The following CADM2 variants were observed in gnomAD, a reference collection of about 807,000 sequenced individuals.
The protein encoded by CADM2 is cell adhesion molecule 2, also known as immunoglobulin superfamily member 4D.
In CADM2, 12 loss-of-function variants were observed where a neutral mutation model predicts 49.8. The observed-to-expected ratio is 0.24, with a 90% CI of 0.15 to 0.39. CADM2 has a LOEUF of 0.39. CADM2 is among the 10% of genes least tolerant of loss of function. The pLI is 1.00. For synonymous variants in CADM2, 214 were observed against 175.4 expected (o/e 1.22, Z -1.74); for missense variants, 378 against 492.3 (o/e 0.77, Z 2.20).
chr3:86,009,203 A>G (rs1439618582), intron 8 of CADM2, among the ~76,000 whole-genome samples: 1 of 85,050 alleles, frequency 1.2e-5, no homozygotes, highest in Admixed American at 1.3e-4. Flanking sequence ...ATGAATATAT[A>G]TGTGTATGTG....
chr3:85,266,018 T>G (rs2043114570), intron 1 of CADM2, among the ~76,000 whole-genome samples: 1 of 151,904 alleles, frequency 6.6e-6, no homozygotes, highest in African/African-American at 2.4e-5. Flanking sequence ...TAACTTGTTT[T>G]CTATGCCCTT....
intron 1 of CADM2, among the ~76,000 whole-genome samples, chr3:85,338,794 G>A (rs2045161348): frequency 6.6e-6 from 1 of 151,320 alleles, no homozygotes; most frequent in Non-Finnish European, 1.5e-5. Flanking sequence ...CCAAATTTTG[G>A]CTCTAGATTA....
chr3:85,238,304 A>C (rs1209541864), intron 1 of CADM2, among the ~76,000 whole-genome samples: 2 of 152,012 alleles, frequency 1.3e-5, no homozygotes. Context: ...TTAAACTAAT[A>C]ATTTCTGTAG....
intron 1 of CADM2, among the ~76,000 whole-genome samples, chr3:85,352,253 A>C (rs1222216843): frequency 6.6e-6 from 1 of 152,134 alleles, no homozygotes; most frequent in African/African-American, 2.4e-5. Flanking sequence ...TTGTGTTGTC[A>C]TCTTTTGTAT....
chr3:85,043,550 G>C (rs552562235), intron 1 of CADM2, among the ~76,000 whole-genome samples: 1 of 151,946 alleles, frequency 6.6e-6, no homozygotes, highest in Admixed American at 6.6e-5. Context: ...GAAAACTAGG[G>C]ATGGTATACT....
intron 1 of CADM2, among the ~76,000 whole-genome samples, chr3:85,259,761 G>A (rs9821283): frequency 6.6e-6 from 1 of 151,942 alleles, no homozygotes; most frequent in East Asian, 1.9e-4. Flanking sequence ...TGTTTCTTTG[G>A]CTTGAATGAT....
intron 8 of CADM2, among the ~76,000 whole-genome samples, chr3:86,036,340 T>A (rs942099522): frequency 2.0e-5 from 3 of 152,114 alleles, no homozygotes; most frequent in African/African-American, 4.8e-5. Flanking sequence ...ATTTAATAAC[T>A]TTTGCAGGAA....
At chr3:85,789,451 A>G (rs187190803) in intron 2 of CADM2, among the ~76,000 whole-genome samples, 210 of 152,294 alleles carry the variant, frequency 1.4e-3, no homozygotes, top group South Asian at 3.1e-3. Flanking sequence ...CACAGAAATC[A>G]TTTTAAAACC....
At chr3:85,219,580 A>T (rs2042002249) in intron 1 of CADM2, among the ~76,000 whole-genome samples, 1 of 152,184 alleles carries the variant, frequency 6.6e-6, no homozygotes, top group African/African-American at 2.4e-5. Flanking sequence ...AATATGCCTT[A>T]AAAGCAACTA....
chr3:85,906,699 T>C (rs1716851772), intron 5 of CADM2, among the ~76,000 whole-genome samples: 1 of 152,200 alleles, frequency 6.6e-6, no homozygotes, highest in Admixed American at 6.5e-5. Flanking sequence ...GTTTGAATTC[T>C]TTTTCAGTGC....
intron 2 of CADM2, among the ~76,000 whole-genome samples, chr3:85,742,542 T>C (rs13076225): frequency 2.0e-4 from 31 of 152,234 alleles, no homozygotes; most frequent in Non-Finnish European, 4.1e-4. Context: ...AAATGAGGTA[T>C]AAATTGCTGT....
chr3:86,033,667 A>C (rs1034102748), intron 8 of CADM2, among the ~76,000 whole-genome samples: 1 of 125,504 alleles, frequency 8.0e-6, no homozygotes, highest in Non-Finnish European at 1.8e-5. Flanking sequence ...AAGTTTATAT[A>C]TATGTATATA....
chr3:85,183,119 A>T (rs1029379209), intron 1 of CADM2, among the ~76,000 whole-genome samples: 1 of 152,138 alleles, frequency 6.6e-6, no homozygotes, highest in Non-Finnish European at 1.5e-5. Flanking sequence ...GATACTCTCA[A>T]ATTAATACTA....
intron 8 of CADM2, among the ~76,000 whole-genome samples, chr3:86,030,236 T>A (rs769167766): frequency 2.0e-5 from 3 of 151,936 alleles, no homozygotes; most frequent in Admixed American, 6.6e-5. Context: ...ACCCTGTGAG[T>A]TATAGTAATA....
At chr3:85,583,090 C>A (rs1459220245) in intron 1 of CADM2, among the ~76,000 whole-genome samples, 1 of 152,058 alleles carries the variant, frequency 6.6e-6, no homozygotes, top group African/African-American at 2.4e-5. Flanking sequence ...ATTTACTATA[C>A]GTTAGGAATA....
chr3:85,337,779 T>G (rs1680774437), intron 1 of CADM2, among the ~76,000 whole-genome samples: 1 of 151,532 alleles, frequency 6.6e-6, no homozygotes, highest in Admixed American at 6.6e-5. Context: ...AATGAGTATT[T>G]GTTTACTATA....
chr3:85,704,866 ATTT>A (rs531343116), intron 1 of CADM2, among the ~76,000 whole-genome samples: 8 of 144,774 alleles, frequency 5.5e-5, no homozygotes, highest in Non-Finnish European at 7.6e-5. Flanking sequence ...TATTATTATT[ATTT>A]TTTTTTTTTG....
intron 3 of CADM2, among the ~76,000 whole-genome samples, chr3:85,855,859 C>T (rs2075298429): frequency 6.6e-6 from 1 of 151,852 alleles, no homozygotes; most frequent in Non-Finnish European, 1.5e-5. Context: ...ATCTCCTGAC[C>T]TCGTGATCAG....
rs77208836 is a variant in CADM2 at position 85,645,731 on chromosome 3, C to A, written c.62-80791C>A. On this transcript the variant is annotated intron_variant, in intron 1 of 9. Transcript: ENST00000383699. The stretch of plus-strand genomic sequence containing the variant: ...ATATAATCTGTAAAGAATATCCTTA[C>A]AATATGGATATAGTGTTTTTTCTAT... 8.2e-3 allele frequency among the ~76,000 whole-genome samples: 1,253 copies of A among 151,912 alleles called. 12 individuals carry two copies. The highest frequency in any genetic ancestry group is 0.02 in the Middle Eastern group (6 of 294).
Sources: allele counts gnomAD v4.1 joint callset (sites outside exome capture counted in the v4.1 genomes callset), GRCh38; gene constraint gnomAD v4.1.1; transcripts MANE v1.5; gene names NCBI Gene and HGNC (gene_info 2026-07-23, HGNC 2026-07-21).